The following MARK3 variants were observed in gnomAD, a reference collection of about 807,000 sequenced individuals.
MARK3 encodes microtubule affinity regulating kinase 3, also known as MAP/microtubule affinity-regulating kinase 3.
Under a neutral mutation model 90.1 loss-of-function variants are expected in MARK3, and 46 were observed. The ratio of observed to expected loss-of-function variants is 0.51; its 90% CI spans 0.40 to 0.65. The LOEUF (loss-of-function observed/expected upper bound fraction) is 0.65. Ranked by LOEUF, MARK3 falls within the 30% of genes least tolerant of loss-of-function variation. MARK3 has a pLI of 0.00. For synonymous variants in MARK3, 321 were observed against 332.6 expected (o/e 0.97, Z 0.38); for missense variants, 818 against 947.2 (o/e 0.86, Z 1.79).
chr14:103,423,200 C>CTTTTTTTTTTTTTTTTTTTTTTTTT (rs10529756), intron 2 of MARK3, among the ~76,000 whole-genome samples: 4 of 94,720 alleles, frequency 4.2e-5, no homozygotes, highest in African/African-American at 4.5e-5. Flanking sequence ...GACTTGCAGT[C>CTTTTTTTTTTTTTTTTTTTTTTTTT]TTTTTTTTTT....
Position 103,465,722 on chromosome 14 carries a change from G to A in MARK3, c.706G>A (p.Val236Met). Residue 236 changes from valine (V) to methionine (M), a missense_variant, in exon 8 of 18, where the codon GTG becomes ATG. Around this residue, in one of 3 missense-constraint regions of MARK3, gnomAD observed 101 missense variants for 175.1 expected, o/e 0.58. Coordinates refer to ENST00000429436, the MANE Select transcript of MARK3 (RefSeq NM_001128918.3). ...GKKYDGPEVDVWSLGVILYTL... is the reference protein window; with the variant it reads ...GKKYDGPEVDMWSLGVILYTL... ...GAAATATGACGGGCCAGAAGTGGATGTGTGGAGTCTGGGGGTCATTTTATA... is the reference window on the plus strand; with the variant it reads ...GAAATATGACGGGCCAGAAGTGGATATGTGGAGTCTGGGGGTCATTTTATA... The A allele has an allele frequency of 6.2e-7, 1 of 1,614,200 alleles. No individual in the cohort carries two copies. Among genetic ancestry groups the A allele is most frequent in the Non-Finnish European group, 8.5e-7 (1 of 1,180,046 alleles).
intron 15 of MARK3, 124 bp downstream of exon 15, chr14:103,492,158 T>C (rs919662078): frequency 2.2e-5 from 23 of 1,060,426 alleles, no homozygotes; most frequent in Non-Finnish European, 2.9e-5. Flanking sequence ...CATGGTTTTC[T>C]GGTTTTATAT....
In MARK3 at chr14:103,452,644, T is replaced by C. The variant is rs552110922; in HGVS notation, c.412+661T>C. 1.4e-3 allele frequency among the ~76,000 whole-genome samples: 205 copies of C among 151,264 alleles called. 1 individual carries two copies. The highest frequency in any genetic ancestry group is 4.7e-3 in the African/African-American group (196 of 41,398). On this transcript the variant is annotated intron_variant, in intron 5 of 17. Transcript: ENST00000429436. ...CCGCTACTACGCCCGGCTAATTTTT[T>C]GTATTTTTAGTAGAGACGGGGTTTC...
At chr14:103,462,102 C>A (rs1158951835) in intron 6 of MARK3, among the ~76,000 whole-genome samples, 2 of 151,060 alleles carry the variant, frequency 1.3e-5, no homozygotes, top group Non-Finnish European at 2.9e-5. Context: ...TCCTCCAGAT[C>A]TAGGCAATTT....
At chr14:103,458,615 A>G (rs999735991) in intron 6 of MARK3, 1 of 516,216 alleles carries the variant, frequency 1.9e-6, no homozygotes, top group Non-Finnish European at 3.4e-6. Context: ...GGAAAGGAGC[A>G]GTGCTTCACT....
intron 1 of MARK3, among the ~76,000 whole-genome samples, chr14:103,397,955 G>T (rs1303081059): frequency 6.6e-6 from 1 of 152,122 alleles, no homozygotes; most frequent in Non-Finnish European, 1.5e-5. Flanking sequence ...CTGTTTTAAT[G>T]TGTTTAGTAT....
chr14:103,469,790 TG>T (rs1192203676), intron 12 of MARK3, among the ~76,000 whole-genome samples: 2 of 151,698 alleles, frequency 1.3e-5, no homozygotes, highest in African/African-American at 4.8e-5. Context: ...TGGCCGGACA[TG>T]GTGGCTCATG....
chr14:103,491,458 T>C (rs1489924485), intron 14 of MARK3: 1 of 290,230 alleles, frequency 3.4e-6, no homozygotes, highest in African/African-American at 2.2e-5. Context: ...CAGTTCTCTA[T>C]GTAAGCAATT....
At chr14:103,386,239 A>G (rs756713428) in intron 1 of MARK3, 159 bp downstream of exon 1, 4 of 750,118 alleles carry the variant, frequency 5.3e-6, no homozygotes, top group Non-Finnish European at 9.7e-6. Flanking sequence ...CGTTTCCTCC[A>G]GAAGTCTGCC....
At chr14:103,413,490 C>G (rs1595545279) in intron 2 of MARK3, among the ~76,000 whole-genome samples, 2 of 147,814 alleles carry the variant, frequency 1.4e-5, no homozygotes, top group African/African-American at 5.0e-5. Context: ...GCAGCGCGAT[C>G]TCGGCTCACT....
chr14:103,466,734 G>C (rs993168151), intron 10 of MARK3, among the ~76,000 whole-genome samples: 2 of 152,228 alleles, frequency 1.3e-5, no homozygotes, highest in African/African-American at 4.8e-5. Flanking sequence ...GCCGGGCGTG[G>C]TGGCTCACGC....
rs371529617 is a variant in MARK3 at position 103,502,870 on chromosome 14, T to C, written c.1917-12T>C. 8.8e-5 allele frequency: 140 copies of C among 1,596,644 alleles called. No individual in the cohort carries two copies. Among genetic ancestry groups the C allele is most frequent in the Non-Finnish European group, 1.1e-4 (125 of 1,167,632 alleles). ...GTACGATTAAAAATAAACCTGCCTC[T>C]ATGCATTTCAGTCGCAATGTATCTG... is the stretch of plus-strand genomic sequence containing the variant. On this transcript the variant is annotated splice_polypyrimidine_tract_variant and intron_variant, in intron 17 of 17. Coordinates refer to ENST00000429436, the MANE Select transcript of MARK3 (RefSeq NM_001128918.3).
intron 14 of MARK3, among the ~76,000 whole-genome samples, chr14:103,484,655 G>C (rs563577299): frequency 6.6e-6 from 1 of 152,148 alleles, no homozygotes; most frequent in African/African-American, 2.4e-5. Flanking sequence ...TTTTTAGGCT[G>C]GGCGCGGTGG....
intron 2 of MARK3, among the ~76,000 whole-genome samples, chr14:103,410,618 C>CTTGA (rs2091573864): frequency 6.6e-6 from 1 of 152,164 alleles, no homozygotes; most frequent in African/African-American, 2.4e-5. Flanking sequence ...AGGAGGATCA[C>CTTGA]TTGAGCCCAG....
At position 103,470,462 on chromosome 14, in the gene MARK3, T is replaced by TTTTTTTTC. The variant is rs1384010181; in HGVS notation, c.1264+2283_1264+2284insCTTTTTTT. On this transcript the variant is annotated intron_variant, in intron 12 of 17. Coordinates refer to ENST00000429436, the MANE Select transcript of MARK3 (RefSeq NM_001128918.3). ...GATTCAGGAACTAAATCTATTTTTT[T>TTTTTTTTC]TTTTTTTTTTGAGATGGAGTTTCAC... is the stretch of plus-strand genomic sequence containing the variant. 5.4e-4 allele frequency among the ~76,000 whole-genome samples: 56 copies of TTTTTTTTC among 103,226 alleles called. 5 individuals are homozygous for TTTTTTTTC. Among genetic ancestry groups the TTTTTTTTC allele is most frequent in the African/African-American group, 1.7e-3 (53 of 31,736 alleles). 67.7% of individuals were successfully genotyped at this position (103,226 alleles called of 152,430 possible).
chr14:103,452,763 G>A (rs1270960613), intron 5 of MARK3, among the ~76,000 whole-genome samples: 1 of 152,132 alleles, frequency 6.6e-6, no homozygotes, highest in Non-Finnish European at 1.5e-5. Flanking sequence ...GAGCCACCGC[G>A]CCCGGCCAGG....
chr14:103,500,083 TG>T, intron 16 of MARK3, 72 bp from the exon 17 acceptor site: 1 of 1,143,630 alleles, frequency 8.7e-7, no homozygotes, highest in Non-Finnish European at 1.3e-6. Flanking sequence ...TTGGTATTGG[TG>T]GTCATGTACT....
At chr14:103,494,355 C>T (rs191422845) in intron 15 of MARK3, among the ~76,000 whole-genome samples, 1 of 151,214 alleles carries the variant, frequency 6.6e-6, no homozygotes, top group Non-Finnish European at 1.5e-5. Context: ...AATTTGAGAC[C>T]ATCCTAGCCA....
chr14:103,468,493 T>C (rs2093561783), intron 12 of MARK3, among the ~76,000 whole-genome samples: 1 of 151,382 alleles, frequency 6.6e-6, no homozygotes, highest in Non-Finnish European at 1.5e-5. Flanking sequence ...CCTGGCTAAG[T>C]TTTGTATTTT....
Sources: allele counts gnomAD v4.1 joint callset (sites outside exome capture counted in the v4.1 genomes callset), GRCh38; gene constraint gnomAD v4.1.1; regional missense constraint gnomAD v4.1.1; transcripts MANE v1.5; gene names NCBI Gene and HGNC (gene_info 2026-07-23, HGNC 2026-07-21).